The following KCNQ1 variants were observed in gnomAD, a reference collection of about 807,000 sequenced individuals.
KCNQ1 encodes potassium voltage-gated channel subfamily KQT member 1.
A neutral mutation model predicts 72.4 loss-of-function variants in KCNQ1; 49 were observed. The ratio of observed to expected loss-of-function variants is 0.68; its 90% CI spans 0.54 to 0.86. KCNQ1 has a LOEUF of 0.86. KCNQ1 is among the 40% of genes least tolerant of loss of function. KCNQ1 has a pLI of 0.00. For missense variants in KCNQ1, 790 were observed against 945.1 expected (o/e 0.84, Z 2.15); for synonymous variants, 450 against 412.6 (o/e 1.09, Z -1.10).
At position 2,830,853 on chromosome 11, in the gene KCNQ1, T is replaced by A. The variant is rs537994446; in HGVS notation, c.1795-16914T>A. 6.6e-6 allele frequency among the ~76,000 whole-genome samples: 1 copy of A among 152,202 alleles called. No individual in the cohort carries two copies. The highest frequency in any genetic ancestry group is 1.9e-4 in the East Asian group (1 of 5,152). Reference sequence around the variant, plus strand: ...ACCCAGCACAGGCTGGCCCAACCCCTCTCTAGGCCTCAGCTTTCCTGTCAG... The same window carrying A: ...ACCCAGCACAGGCTGGCCCAACCCCACTCTAGGCCTCAGCTTTCCTGTCAG... On this transcript the variant is annotated intron_variant, in intron 15 of 15. Transcript: ENST00000155840. This position sits in a 1 kb window ranked among gnomAD's most constrained non-coding sequence, Gnocchi z 7.7.
Position 2,600,086 on chromosome 11 carries a change from G to A in KCNQ1, c.1393+11232G>A, listed in dbSNP as rs1382787267. 3.3e-5 allele frequency among the ~76,000 whole-genome samples: 5 copies of A among 152,114 alleles called. No individual in the cohort carries two copies. Among genetic ancestry groups the A allele is most frequent in the Non-Finnish European group, 7.3e-5 (5 of 68,042 alleles). On this transcript the variant is annotated intron_variant, in intron 10 of 15. Transcript: ENST00000155840. The surrounding 1 kb of genome is among the most constrained non-coding windows in gnomAD (Gnocchi z 5.6). Reference sequence around the variant, plus strand: ...GTCCTGGCAGAGTGACTTATTGTCAGCCAAGTGGGGCAGAGTTTCTCCACT... The same window carrying A: ...GTCCTGGCAGAGTGACTTATTGTCAACCAAGTGGGGCAGAGTTTCTCCACT...
At chr11:2,761,621 C>A (rs111384579) in intron 11 of KCNQ1, among the ~76,000 whole-genome samples, 7 of 152,346 alleles carry the variant, frequency 4.6e-5, no homozygotes, top group African/African-American at 1.7e-4. Flanking sequence ...CCACTTGGCC[C>A]CATCCCAGGC....
chr11:2,529,630 C>A (rs1049448552), intron 2 of KCNQ1, among the ~76,000 whole-genome samples: 12 of 152,146 alleles, frequency 7.9e-5, no homozygotes, highest in African/African-American at 2.9e-4. Context: ...CTGGCGTCTG[C>A]GAAAGCTGTT....
rs1438868415 is a variant in KCNQ1 at position 2,473,585 on chromosome 11, T to C, written c.386+28101T>C. On this transcript the variant is annotated intron_variant, in intron 1 of 15. Transcript: ENST00000155840. The surrounding 1 kb of genome is among the most constrained non-coding windows in gnomAD (Gnocchi z 6.0). ...ATGGCACAGACGCTCAGCCGTGTCA[T>C]GTGGCTTGTAGAGCGAGGGTGTGCG... Among the ~76,000 whole-genome samples the C allele has an allele frequency of 6.6e-6, 1 of 152,220 alleles. No homozygotes were observed. Among genetic ancestry groups the C allele is most frequent in the Non-Finnish European group, 1.5e-5 (1 of 68,034 alleles).
rs1554958030 is a variant in KCNQ1 at position 2,445,114 on chromosome 11, TC to T, written c.20del (p.Pro7ArgfsTer79). MAAAS[S>X]PPRAERKRWG... ...CCTCCTCGTTATGGCCGCGGCCTCC[TC>T]CCCGCCCAGGGCCGAGAGGAAGCGC... is the stretch of plus-strand genomic sequence containing the variant. On this transcript the variant is annotated frameshift_variant, in exon 1 of 16. Coordinates refer to ENST00000155840, the MANE Select transcript of KCNQ1 (RefSeq NM_000218.3). LOFTEE classifies it high-confidence loss of function. 1 of 1,096,050 alleles carries T rather than the reference TC, an allele frequency of 9.1e-7. No homozygotes were observed. Among genetic ancestry groups the T allele is most frequent in the Non-Finnish European group, 1.1e-6 (1 of 899,738 alleles). The allele number at this position is 1,096,050 out of a possible 1,614,324, so 67.9% of individuals were successfully genotyped here.
intron 2 of KCNQ1, among the ~76,000 whole-genome samples, chr11:2,542,798 A>G (rs1036444067): frequency 1.3e-5 from 2 of 152,248 alleles, no homozygotes; most frequent in Non-Finnish European, 2.9e-5. Flanking sequence ...GCTGAGCCGT[A>G]TCCCATTGTA....
chr11:2,573,087 G>GTGAGAAGCCCCT, intron 6 of KCNQ1, 101 bp downstream of exon 6: 2 of 1,417,538 alleles, frequency 1.4e-6, no homozygotes, highest in Non-Finnish European at 1.9e-6. Flanking sequence ...GCCTTGGCAG[G>GTGAGAAGCCCCT]GGCTTCTCAC....
At chr11:2,802,946 G>A (rs1847299516) in intron 15 of KCNQ1, among the ~76,000 whole-genome samples, 1 of 152,218 alleles carries the variant, frequency 6.6e-6, no homozygotes, top group Admixed American at 6.5e-5. Flanking sequence ...AGGGAGGTGG[G>A]CTAGACAGTG....
At chr11:2,581,119 C>T (rs1848492632) in intron 6 of KCNQ1, among the ~76,000 whole-genome samples, 1 of 152,242 alleles carries the variant, frequency 6.6e-6, no homozygotes, top group Non-Finnish European at 1.5e-5. Flanking sequence ...AGCCCTCTTG[C>T]TCCAGGTTGC....
intron 11 of KCNQ1, among the ~76,000 whole-genome samples, chr11:2,716,516 TC>T (rs1851094876): frequency 6.6e-6 from 1 of 152,218 alleles, no homozygotes; most frequent in Admixed American, 6.5e-5. Context: ...GGCTCCAGCT[TC>T]CCAGGCGTGT....
Position 2,670,396 on chromosome 11 carries a change from C to T in KCNQ1, c.1514+8315C>T. The T allele has an allele frequency of 7.5e-6, 3 of 398,326 alleles. No individual in the cohort carries two copies. The highest frequency in any genetic ancestry group is 1.3e-5 in the Non-Finnish European group (3 of 226,052). The allele number at this position is 398,326 out of a possible 1,614,324, so 24.7% of individuals were successfully genotyped here. A position where few individuals can be genotyped will look rare whatever the true frequency, so the allele number is the denominator to read the frequency against. On this transcript the variant is annotated intron_variant, in intron 11 of 15. Coordinates refer to ENST00000155840, the MANE Select transcript of KCNQ1 (RefSeq NM_000218.3). The surrounding 1 kb of genome is among the most constrained non-coding windows in gnomAD (Gnocchi z 4.9). ...AATTCCAAGAGCATTAACCAGACAC[C>T]TACTATGTGTATTTCTTGTGTTGGG...
chr11:2,719,410 G>C, intron 11 of KCNQ1, among the ~76,000 whole-genome samples: 1 of 151,194 alleles, frequency 6.6e-6, no homozygotes, highest in South Asian at 2.1e-4. Context: ...TGGGAGGATC[G>C]CCTGAGCCTG....
At chr11:2,615,687 T>C (rs946143139) in intron 10 of KCNQ1, 6 of 398,020 alleles carry the variant, frequency 1.5e-5, no homozygotes, top group African/African-American at 1.2e-4. Flanking sequence ...ATTACATTGA[T>C]TGATACTCTT....
At position 2,826,775 on chromosome 11, in the gene KCNQ1, C is replaced by T. The variant is rs1429189882; in HGVS notation, c.1795-20992C>T. Among the ~76,000 whole-genome samples the T allele has an allele frequency of 6.6e-6, 1 of 152,222 alleles. No individual in the cohort carries two copies. The highest frequency in any genetic ancestry group is 1.5e-5 in the Non-Finnish European group (1 of 68,038). On this transcript the variant is annotated intron_variant, in intron 15 of 15. Transcript: ENST00000155840. This position sits in a 1 kb window ranked among gnomAD's most constrained non-coding sequence, Gnocchi z 4.2. ...TCAGAATCCCACTATGTGCTTGGAG[C>T]CATGCTGGGTGCTGGGGAGACACAC...
chr11:2,546,465 G>A (rs1196803146), intron 2 of KCNQ1, among the ~76,000 whole-genome samples: 1 of 152,126 alleles, frequency 6.6e-6, no homozygotes. Context: ...GTTGATGATG[G>A]CATTGTCCAA....
chr11:2,568,396 C>G (rs2133722720), intron 2 of KCNQ1, among the ~76,000 whole-genome samples: 1 of 152,372 alleles, frequency 6.6e-6, no homozygotes, highest in Middle Eastern at 3.4e-3. Context: ...CTATGCCTCC[C>G]CATCAAGGCC....
rs1847822904 is a variant in KCNQ1, at chr11:2,541,524, A to T, written c.477+13506A>T. Among the ~76,000 whole-genome samples the T allele has an allele frequency of 6.6e-6, 1 of 151,970 alleles. No homozygotes were observed. ...AGTTCTCAGTGTGGCCTACCCAGCCAGGTCCCTGGACCTGGCGGTGGCTAT... is the reference window on the plus strand; with the variant it reads ...AGTTCTCAGTGTGGCCTACCCAGCCTGGTCCCTGGACCTGGCGGTGGCTAT... On this transcript the variant is annotated intron_variant, in intron 2 of 15. Transcript: ENST00000155840. The surrounding 1 kb of genome is among the most constrained non-coding windows in gnomAD (Gnocchi z 4.8).
chr11:2,661,798 C>A lies in KCNQ1; in HGVS notation c.1394-163C>A. ...AGGCACTTTGGGGCCATCTTAAACACCCACCCACCCCAACACCCAACTATA... is the reference window on the plus strand; with the variant it reads ...AGGCACTTTGGGGCCATCTTAAACAACCACCCACCCCAACACCCAACTATA... On this transcript the variant is annotated intron_variant, in intron 10 of 15. Coordinates refer to ENST00000155840, the MANE Select transcript of KCNQ1 (RefSeq NM_000218.3). This position sits in a 1 kb window ranked among gnomAD's most constrained non-coding sequence, Gnocchi z 5.9. 3.8e-6 allele frequency: 3 copies of A among 796,988 alleles called. No homozygotes were observed. The highest frequency in any genetic ancestry group is 2.1e-5 in the Admixed American group (1 of 48,460). 49.4% of individuals were successfully genotyped at this position (796,988 alleles called of 1,614,324 possible).
intron 11 of KCNQ1, among the ~76,000 whole-genome samples, chr11:2,754,737 T>C (rs11023994): frequency 0.09 from 13,658 of 152,278 alleles, 739 homozygotes; most frequent in Middle Eastern, 0.15. Flanking sequence ...AAGCAAACCT[T>C]AAAACTCTTA....
Sources: gnomAD v4.1 joint callset for allele counts (sites outside exome capture counted in the v4.1 genomes callset) on GRCh38, gnomAD v4.1.1 for gene constraint, Gnocchi (gnomAD v3.1) non-coding constraint, MANE v1.5 for transcripts, NCBI Gene and HGNC (gene_info 2026-07-23, HGNC 2026-07-21) for gene names.